TIPIN: variants seen among roughly 807,000 people sequenced by gnomAD.
The protein encoded by TIPIN is TIMELESS interacting protein, also known as TIMELESS-interacting protein.
Under a neutral mutation model 35.6 loss-of-function variants are expected in TIPIN, and 29 were observed. The observed-to-expected ratio is 0.82, with a 90% CI of 0.61 to 1.11. The LOEUF (loss-of-function observed/expected upper bound fraction) is 1.11, where lower values mean the gene tolerates loss of function less well. Ranked by LOEUF, TIPIN falls within the 50% of genes most tolerant of loss-of-function variation. The pLI, the probability that TIPIN is intolerant of heterozygous loss-of-function variation, is 0.00. For synonymous variants in TIPIN, 102 were observed against 121.5 expected (o/e 0.84, Z 1.06); for missense variants, 296 against 345.4 (o/e 0.86, Z 1.13).
At chr15:66,378,753 T>A (rs1033295402) in intron 1 of TIPIN, among the ~76,000 whole-genome samples, 2 of 151,920 alleles carry the variant, frequency 1.3e-5, no homozygotes, top group Admixed American at 6.6e-5. Context: ...ATTTTTTTTT[T>A]TGAGACAGGG....
chr15:66,343,935 T>C (rs889993918), intron 6 of TIPIN, among the ~76,000 whole-genome samples: 2 of 151,270 alleles, frequency 1.3e-5, no homozygotes, highest in African/African-American at 4.9e-5. Context: ...GAGGCAGAGG[T>C]TGCAGTGAGC....
intron 1 of TIPIN, among the ~76,000 whole-genome samples, chr15:66,364,503 TA>T (rs1595811267): frequency 1.3e-5 from 2 of 151,972 alleles, no homozygotes; most frequent in East Asian, 3.9e-4. Flanking sequence ...CAAGCAACCA[TA>T]AAGGACAAGG....
rs143009214 is a variant in TIPIN, at chr15:66,353,287, G to A, written c.-8-332C>T. Among the ~76,000 whole-genome samples the A allele has an allele frequency of 2.7e-3, 415 of 152,052 alleles. 4 individuals carry two copies. Among genetic ancestry groups the A allele is most frequent in the African/African-American group, 9.2e-3 (383 of 41,474 alleles). ...TAGGGTATGAAATACGCAGGATATA[G>A]GTACTTCACCCCCACTTCAATTAGA... On this transcript the variant is annotated intron_variant, in intron 1 of 7. Coordinates refer to ENST00000261881, the MANE Select transcript of TIPIN (RefSeq NM_017858.3).
rs376738577 is a variant in TIPIN, at chr15:66,349,493, G to A, written c.289-56C>T. On this transcript the variant is annotated intron_variant, in intron 4 of 7. Coordinates refer to ENST00000261881, the MANE Select transcript of TIPIN (RefSeq NM_017858.3). ...GAGTCTCATTCTCACAGCTGACCCC[G>A]TCAGCAACTTTCAGAACTGAAAAGC... The A allele has an allele frequency of 3.1e-5, 49 of 1,568,298 alleles. No homozygotes were observed. The African/African-American group carries it at 3.2e-4, about 10-fold the overall frequency.
chr15:66,377,385 G>A (rs1321681553), intron 1 of TIPIN, among the ~76,000 whole-genome samples: 1 of 151,676 alleles, frequency 6.6e-6, no homozygotes, highest in Admixed American at 6.6e-5. Flanking sequence ...TTTATTTTTT[G>A]AGACATTCTT....
upstream of TIPIN, among the ~76,000 whole-genome samples, chr15:66,359,711 A>C (rs895840340): frequency 6.6e-6 from 1 of 152,128 alleles, no homozygotes; most frequent in African/African-American, 2.4e-5. Flanking sequence ...TTGAGACAAG[A>C]GGCATTCTTT....
chr15:66,383,506 C>T (rs966003122), intron 1 of TIPIN: 1 of 778,056 alleles, frequency 1.3e-6, no homozygotes, highest in African/African-American at 1.9e-5. Flanking sequence ...TCAGGTGATC[C>T]TCCCACCTCA....
At chr15:66,378,024 T>C (rs962843277) in intron 1 of TIPIN, among the ~76,000 whole-genome samples, 3 of 151,554 alleles carry the variant, frequency 2.0e-5, no homozygotes, top group Non-Finnish European at 4.4e-5. Flanking sequence ...TTTTTTTTTT[T>C]AAACAAAGTC....
intron 1 of TIPIN, chr15:66,366,721 T>G (rs370710241): frequency 5.9e-5 from 38 of 644,490 alleles, no homozygotes; most frequent in Non-Finnish European, 5.5e-5. Context: ...CAGCTGAGAA[T>G]GCACCATTGC....
intron 1 of TIPIN, chr15:66,379,504 G>C (rs1018532101): frequency 1.9e-5 from 30 of 1,609,650 alleles, no homozygotes; most frequent in Middle Eastern, 2.2e-4. Context: ...TTCTGGGCTT[G>C]AGATACTGAA....
intron 1 of TIPIN, among the ~76,000 whole-genome samples, chr15:66,353,276 C>T (rs1303976539): frequency 1.3e-5 from 2 of 151,724 alleles, no homozygotes; most frequent in African/African-American, 4.8e-5. Flanking sequence ...GTATGAAATA[C>T]GCAGGATATA....
At chr15:66,370,135 C>T (rs1167960882) in intron 1 of TIPIN, among the ~76,000 whole-genome samples, 1 of 152,106 alleles carries the variant, frequency 6.6e-6, no homozygotes, top group African/African-American at 2.4e-5. Context: ...TCCACAGCTG[C>T]CCTCGAGGAA....
In TIPIN at chr15:66,383,818, C is replaced by T. The variant is rs1478966886; in HGVS notation, c.-9+2789G>A. On this transcript the variant is annotated intron_variant, in intron 1 of 7. Transcript: ENST00000562124. ...AGTTAATAACATTGTATTTTATTTG[C>T]GTTTTTTGTTAAATAAGTAGATTTT... Among the ~76,000 whole-genome samples, 4 of 151,922 alleles carry T rather than the reference C, an allele frequency of 2.6e-5. No homozygotes were observed. The East Asian group carries it at 5.8e-4, about 22-fold the overall frequency.
At chr15:66,384,113 C>T (rs937905038) in intron 1 of TIPIN, among the ~76,000 whole-genome samples, 2 of 151,478 alleles carry the variant, frequency 1.3e-5, no homozygotes, top group Non-Finnish European at 2.9e-5. Flanking sequence ...TCTCCTGCCT[C>T]AGCCTCCTGA....
intron 6 of TIPIN, among the ~76,000 whole-genome samples, chr15:66,342,205 A>AG (rs2093093716): frequency 1.3e-5 from 2 of 150,540 alleles, no homozygotes; most frequent in African/African-American, 4.9e-5. Context: ...AAAAAAAAAA[A>AG]AAAGAAAGAA....
chr15:66,383,435 G>A lies in TIPIN; in HGVS notation c.-9+3172C>T, dbSNP rs184947978. The A allele has an allele frequency of 2.5e-3, 514 of 208,232 alleles. 2 individuals carry two copies. Among genetic ancestry groups the A allele is most frequent in the African/African-American group, 0.012 (490 of 42,470 alleles). 12.9% of individuals were successfully genotyped at this position (208,232 alleles called of 1,614,324 possible). On this transcript the variant is annotated intron_variant, in intron 1 of 7. Coordinates refer to the TIPIN transcript ENST00000562124. ...CCGCCACCACATTCAGATAATTTTT[G>A]TATTTTTAGTAAAGACAGGGTTTCA...
At chr15:66,383,611 A>C in intron 1 of TIPIN, 3 of 983,486 alleles carry the variant, frequency 3.1e-6, no homozygotes, top group Non-Finnish European at 3.6e-6. Flanking sequence ...TGATACTAAA[A>C]ATTATGCATG....
chr15:66,377,850 CT>C (rs1323947163), intron 1 of TIPIN, among the ~76,000 whole-genome samples: 24 of 145,048 alleles, frequency 1.7e-4, no homozygotes, highest in Admixed American at 2.1e-4. Flanking sequence ...CTAATTTTTT[CT>C]TTTTTTTTTT....
chr15:66,341,116 A>G (rs1442733370), intron 7 of TIPIN, 34 bp downstream of exon 7: 1 of 1,587,588 alleles, frequency 6.3e-7, no homozygotes, highest in Non-Finnish European at 8.6e-7. Context: ...TTGATATATT[A>G]ATGGTAGCAT....
Sources: allele counts gnomAD v4.1 joint callset (sites outside exome capture counted in the v4.1 genomes callset), GRCh38; gene constraint gnomAD v4.1.1; transcripts MANE v1.5; gene names NCBI Gene and HGNC (gene_info 2026-07-23, HGNC 2026-07-21).